NUP153: variants seen among roughly 807,000 people sequenced by gnomAD.
NUP153 encodes nuclear pore complex protein Nup153.
NUP153 carries 27 observed loss-of-function variants against 134.6 expected under a neutral mutation model. The ratio of observed to expected loss-of-function variants is 0.20; its 90% CI spans 0.15 to 0.28. The LOEUF is 0.28. Ranked by LOEUF, NUP153 falls within the 10% of genes least tolerant of loss-of-function variation. The pLI is 1.00. For synonymous variants in NUP153, 640 were observed against 623.5 expected, an observed-to-expected ratio of 1.03 and a Z score of -0.40; for missense variants, 1,821 against 1,731.3, an observed-to-expected ratio of 1.05 and a Z score of -0.92.
rs572460945 is a variant in NUP153, at chr6:17,686,560, T to C, written c.334+1836A>G. Among the ~76,000 whole-genome samples, 5 of 152,018 alleles carry C rather than the reference T, an allele frequency of 3.3e-5. No homozygotes were observed. In the South Asian group the frequency reaches 1.0e-3, roughly 32 times the overall value. On this transcript the variant is annotated intron_variant, in intron 2 of 21. Transcript: ENST00000262077. ...ACAGGCATGTGCCACCATGCCTGGC[T>C]AATTTTTTGTATTTTTAGTAGAGAC... is the stretch of plus-strand genomic sequence containing the variant.
chr6:17,644,661 G>A lies in NUP153; in HGVS notation c.1720+1406C>T, dbSNP rs544960908. The stretch of plus-strand genomic sequence containing the variant: ...ACCACCATTATAAAAAAACAAATTC[G>A]GCCAGGCACAGTGGCTCACGTCTGT... On this transcript the variant is annotated intron_variant, in intron 14 of 21. Coordinates refer to ENST00000262077, the MANE Select transcript of NUP153 (RefSeq NM_005124.4). 7.9e-5 allele frequency among the ~76,000 whole-genome samples: 12 copies of A among 152,170 alleles called. No individual in the cohort carries two copies. In the South Asian group the frequency reaches 8.3e-4, roughly 11 times the overall value.
intron 16 of NUP153, among the ~76,000 whole-genome samples, chr6:17,635,345 G>GT (rs1455025639): frequency 6.6e-6 from 1 of 151,868 alleles, no homozygotes; most frequent in Admixed American, 6.6e-5. Flanking sequence ...TCCTGACCTG[G>GT]TGATCCACTC....
intron 13 of NUP153, among the ~76,000 whole-genome samples, chr6:17,647,405 CA>C (rs1766253989): frequency 1.3e-5 from 2 of 152,092 alleles, no homozygotes; most frequent in Non-Finnish European, 2.9e-5. Flanking sequence ...CTAGGACCAA[CA>C]GAAATAAAAC....
At chr6:17,636,054 C>T (rs1012218905) in intron 16 of NUP153, among the ~76,000 whole-genome samples, 6 of 152,160 alleles carry the variant, frequency 3.9e-5, no homozygotes, top group Non-Finnish European at 7.3e-5. Context: ...AGATTCTAGG[C>T]CGGGCATGGT....
intron 1 of NUP153, among the ~76,000 whole-genome samples, chr6:17,705,256 T>C (rs1770403840): frequency 6.6e-6 from 1 of 152,228 alleles, no homozygotes; most frequent in Non-Finnish European, 1.5e-5. Context: ...CACCTCAGTA[T>C]CACTGATAAG....
chr6:17,704,093 T>A (rs1445392530), intron 1 of NUP153, among the ~76,000 whole-genome samples: 1 of 152,116 alleles, frequency 6.6e-6, no homozygotes, highest in African/African-American at 2.4e-5. Flanking sequence ...GAGATCGAGA[T>A]CGTCCTGGCT....
In NUP153 at chr6:17,615,348, C is replaced by A. The variant is rs1026405328; in HGVS notation, c.*749G>T. On this transcript the variant is annotated 3_prime_UTR_variant, in exon 22 of 22. Transcript: ENST00000262077. The surrounding 1 kb of genome is among the most constrained non-coding windows in gnomAD (Gnocchi z 5.7). ...AAAATCTGAGACAAGACTAAACAAA[C>A]AACAAAAAAATCTCTAACACAAAAT... 4 of 152,142 alleles carry A rather than the reference C, an allele frequency of 2.6e-5. No individual in the cohort carries two copies. Among genetic ancestry groups the A allele is most frequent in the Admixed American group, 2.6e-4 (4 of 15,240 alleles). The allele number at this position is 152,142 out of a possible 1,614,324, so 9.4% of individuals were successfully genotyped here. A position where few individuals can be genotyped will look rare whatever the true frequency, so the allele number is the denominator to read the frequency against.
Position 17,638,469 on chromosome 6 carries a change from T to C in NUP153, c.1847-699A>G, listed in dbSNP as rs943696430. On this transcript the variant is annotated intron_variant, in intron 15 of 21. Coordinates refer to ENST00000262077, the MANE Select transcript of NUP153 (RefSeq NM_005124.4). The surrounding 1 kb of genome is among the most constrained non-coding windows in gnomAD (Gnocchi z 4.0). ...ATGTAGAAGGTTATTAGAGGTTTTC[T>C]AGTTCCACAAAATAATCCAGCCTAG... Among the ~76,000 whole-genome samples the C allele has an allele frequency of 2.6e-5, 4 of 152,242 alleles. No homozygotes were observed. Among genetic ancestry groups the C allele is most frequent in the African/African-American group, 7.2e-5 (3 of 41,458 alleles).
intron 17 of NUP153, 53 bp from the exon 18 acceptor site, chr6:17,629,592 A>G: frequency 1.3e-6 from 2 of 1,482,712 alleles, no homozygotes; most frequent in Non-Finnish European, 1.8e-6. Context: ...GATCCTCTCA[A>G]ACAAAATGTA....
At chr6:17,639,842 A>C (rs980723703) in intron 15 of NUP153, 97 bp downstream of exon 15, 1 of 1,095,206 alleles carries the variant, frequency 9.1e-7, no homozygotes, top group Non-Finnish European at 1.3e-6. Flanking sequence ...CTACCAAACT[A>C]GTCAGAAATT....
At chr6:17,620,095 CAAAAAAAA>C (rs58013807) in intron 20 of NUP153, among the ~76,000 whole-genome samples, 2 of 63,000 alleles carry the variant, frequency 3.2e-5, no homozygotes, top group Admixed American at 2.1e-4. Context: ...AAGACACCAT[CAAAAAAAA>C]AAAAAAAAAA....
chr6:17,636,679 T>C (rs1467103382), intron 16 of NUP153, among the ~76,000 whole-genome samples: 1 of 152,206 alleles, frequency 6.6e-6, no homozygotes, highest in Admixed American at 6.5e-5. Flanking sequence ...TGTTTCTGGC[T>C]GCCTAGATTA....
At chr6:17,701,137 G>C (rs1378140897) in intron 1 of NUP153, among the ~76,000 whole-genome samples, 2 of 151,464 alleles carry the variant, frequency 1.3e-5, no homozygotes, top group East Asian at 3.9e-4. Flanking sequence ...AAGCAGGAGA[G>C]TTGCTTGAAC....
rs1189368945 is a variant in NUP153 at position 17,628,200 on chromosome 6, T to G, written c.3544+455A>C. Among the ~76,000 whole-genome samples the G allele has an allele frequency of 6.6e-6, 1 of 152,230 alleles. No homozygotes were observed. Among genetic ancestry groups the G allele is most frequent in the Admixed American group, 6.5e-5 (1 of 15,278 alleles). On this transcript the variant is annotated intron_variant, in intron 18 of 21. Coordinates refer to ENST00000262077, the MANE Select transcript of NUP153 (RefSeq NM_005124.4). The surrounding 1 kb of genome is among the most constrained non-coding windows in gnomAD (Gnocchi z 5.4). Reference sequence around the variant, plus strand: ...GACTTCAGCTTTCAAAATCTCTTGTTTTCTCAGGATTAATTATATTTGTTG... The same window carrying G: ...GACTTCAGCTTTCAAAATCTCTTGTGTTCTCAGGATTAATTATATTTGTTG...
At chr6:17,692,577 T>C (rs1178788102) in intron 1 of NUP153, among the ~76,000 whole-genome samples, 1 of 152,190 alleles carries the variant, frequency 6.6e-6, no homozygotes, top group East Asian at 1.9e-4. Flanking sequence ...AAAATGGACC[T>C]GGAACCAGTA....
In NUP153 at chr6:17,616,057, C is replaced by G. The variant is rs375244755; in HGVS notation, c.*40G>C. Reference sequence around the variant, plus strand: ...CAATCCAGTATCTGAAAGCAGGGCACCAGCTGTTGTTAAAATTGAGTACAA... The same window carrying G: ...CAATCCAGTATCTGAAAGCAGGGCAGCAGCTGTTGTTAAAATTGAGTACAA... On this transcript the variant is annotated 3_prime_UTR_variant, in exon 22 of 22. Coordinates refer to ENST00000262077, the MANE Select transcript of NUP153 (RefSeq NM_005124.4). The G allele has an allele frequency of 2.2e-5, 30 of 1,376,578 alleles. 1 individual carries two copies. The Admixed American group carries it at 5.0e-4, about 23-fold the overall frequency. The allele number at this position is 1,376,578 out of a possible 1,614,324, so 85.3% of individuals were successfully genotyped here. A position where few individuals can be genotyped will look rare whatever the true frequency, so the allele number is the denominator to read the frequency against.
intron 2 of NUP153, among the ~76,000 whole-genome samples, chr6:17,685,676 C>G (rs1768881958): frequency 6.6e-6 from 1 of 152,048 alleles, no homozygotes; most frequent in Admixed American, 6.6e-5. Context: ...ACTCAGGAGT[C>G]TGCAGTCATG....
rs762415907 is a variant in NUP153 at position 17,629,018 on chromosome 6, C to A, written c.3181G>T (p.Ala1061Ser). 8 of 1,614,134 alleles carry A rather than the reference C, an allele frequency of 5.0e-6. No homozygotes were observed. The highest frequency in any genetic ancestry group is 6.8e-6 in the Non-Finnish European group (8 of 1,180,034). ...TCTGATGTCTTACATGTGAAAGGAGCCACTGAAGCACTCTTGGTTTCTATG... is the reference window on the plus strand; with the variant it reads ...TCTGATGTCTTACATGTGAAAGGAGACACTGAAGCACTCTTGGTTTCTATG... ...GTIETKSASV[A>S]PFTCKTSEAK... Residue 1061 changes from alanine (A) to serine (S), a missense_variant, in exon 18 of 22, where the codon GCT becomes TCT. Physicochemically the swap from Ala to Ser is moderately conservative, Grantham distance 99. Coordinates refer to ENST00000262077, the MANE Select transcript of NUP153 (RefSeq NM_005124.4).
intron 11 of NUP153, among the ~76,000 whole-genome samples, chr6:17,659,771 G>A (rs1325807414): frequency 6.6e-6 from 1 of 151,916 alleles, no homozygotes; most frequent in Non-Finnish European, 1.5e-5. Flanking sequence ...GTGCCCAGCC[G>A]CCAACCCGTT....
Sources: allele counts gnomAD v4.1 joint callset (sites outside exome capture counted in the v4.1 genomes callset), GRCh38; gene constraint gnomAD v4.1.1; non-coding constraint Gnocchi (gnomAD v3.1); transcripts MANE v1.5; gene names NCBI Gene and HGNC (gene_info 2026-07-23, HGNC 2026-07-21).